Variants in PRLR observed in about 807,000 individuals in gnomAD.
PRLR encodes hPRL receptor.
A neutral mutation model predicts 40.2 loss-of-function variants in PRLR; 13 were observed. That is an observed-to-expected ratio of 0.32 (90% CI 0.21 to 0.51). The LOEUF (loss-of-function observed/expected upper bound fraction) is 0.51. PRLR is among the 20% of genes least tolerant of loss of function. The pLI is 0.97. For synonymous variants in PRLR, 269 were observed against 278.7 expected (o/e 0.97, Z 0.35); for missense variants, 656 against 747.3 (o/e 0.88, Z 1.42).
At chr5:35,101,425 T>A (rs1022593093) in intron 2 of PRLR, among the ~76,000 whole-genome samples, 2 of 152,184 alleles carry the variant, frequency 1.3e-5, no homozygotes, top group African/African-American at 2.4e-5. Flanking sequence ...CAAGGGCAGA[T>A]GGATGATGAA....
intron 1 of PRLR, among the ~76,000 whole-genome samples, chr5:35,164,270 C>A (rs1390655548): frequency 6.6e-6 from 1 of 152,068 alleles, no homozygotes; most frequent in Non-Finnish European, 1.5e-5. Context: ...TAGTGGAGGA[C>A]ACAGGCAAGA....
intron 1 of PRLR, among the ~76,000 whole-genome samples, chr5:35,186,302 T>C (rs1291769353): frequency 2.6e-5 from 4 of 152,176 alleles, no homozygotes; most frequent in Non-Finnish European, 5.9e-5. Flanking sequence ...TAAAGTTACA[T>C]TTGTAGCTTA....
intron 1 of PRLR, among the ~76,000 whole-genome samples, chr5:35,160,735 C>T (rs1774650945): frequency 6.6e-6 from 1 of 152,172 alleles, no homozygotes; most frequent in East Asian, 1.9e-4. Flanking sequence ...TCACCCGGAC[C>T]TGCCAAATCA....
intron 2 of PRLR, among the ~76,000 whole-genome samples, chr5:35,112,531 G>A (rs1772725412): frequency 6.6e-6 from 1 of 152,102 alleles, no homozygotes; most frequent in Non-Finnish European, 1.5e-5. Flanking sequence ...GGAGGATGTG[G>A]AAATTCAAAG....
At chr5:35,208,082 A>G (rs936457761) in intron 1 of PRLR, among the ~76,000 whole-genome samples, 17 of 151,946 alleles carry the variant, frequency 1.1e-4, no homozygotes, top group African/African-American at 2.4e-4. Context: ...GCCCAACATC[A>G]TTGTCTTTCT....
At position 35,084,156 on chromosome 5, in the gene PRLR, C is replaced by A. The variant is rs898760840; in HGVS notation, c.373+314G>T. Among the ~76,000 whole-genome samples, 4 of 152,064 alleles carry A rather than the reference C, an allele frequency of 2.6e-5. No homozygotes were observed. The South Asian group carries it at 8.3e-4, about 32-fold the overall frequency. The stretch of plus-strand genomic sequence containing the variant: ...AAATCCCAGCTTGCCAAGGAAGAAG[C>A]GGACATCAATTGCAAGGGCAGGGCA... On this transcript the variant is annotated intron_variant, in intron 5 of 9. Transcript: ENST00000618457.
At chr5:35,211,976 C>G (rs1776179128) in intron 1 of PRLR, among the ~76,000 whole-genome samples, 1 of 152,096 alleles carries the variant, frequency 6.6e-6, no homozygotes, top group South Asian at 2.1e-4. Flanking sequence ...TTTTGTGTGA[C>G]AAGAGCAGAG....
At chr5:35,126,113 T>C (rs1460481221) in intron 1 of PRLR, among the ~76,000 whole-genome samples, 1 of 152,234 alleles carries the variant, frequency 6.6e-6, no homozygotes, top group Non-Finnish European at 1.5e-5. Flanking sequence ...TTCCCAAGGC[T>C]AATTTAAAAG....
At chr5:35,071,958 C>T (rs1010733578) in intron 6 of PRLR, among the ~76,000 whole-genome samples, 13 of 150,860 alleles carry the variant, frequency 8.6e-5, no homozygotes, top group African/African-American at 2.5e-4. Flanking sequence ...TGCAATGGCG[C>T]GATTTCAGCT....
intron 5 of PRLR, among the ~76,000 whole-genome samples, chr5:35,075,315 T>C (rs1414846424): frequency 6.6e-6 from 1 of 152,224 alleles, no homozygotes; most frequent in East Asian, 1.9e-4. Context: ...AGATGGTACC[T>C]GGAAAATTGG....
Position 35,063,162 on chromosome 5 carries a change from A to G in PRLR, c.*1927T>C, listed in dbSNP as rs970388291. ...GATTTAGGGGACTGAATGAGCTTGGACAACTTTCCCACACGCTTCCCTTAC... is the reference window on the plus strand; with the variant it reads ...GATTTAGGGGACTGAATGAGCTTGGGCAACTTTCCCACACGCTTCCCTTAC... On this transcript the variant is annotated 3_prime_UTR_variant, in exon 10 of 10. Coordinates refer to ENST00000618457, the MANE Select transcript of PRLR (RefSeq NM_000949.7). 1.2e-4 allele frequency: 19 copies of G among 152,208 alleles called. No homozygotes were observed. Among genetic ancestry groups the G allele is most frequent in the Non-Finnish European group, 1.5e-5 (1 of 68,044 alleles). The allele number at this position is 152,208 out of a possible 1,614,324, so 9.4% of individuals were successfully genotyped here. A position where few individuals can be genotyped will look rare whatever the true frequency, so the allele number is the denominator to read the frequency against.
chr5:35,068,161 G>A, intron 9 of PRLR, 55 bp downstream of exon 9: 1 of 1,464,314 alleles, frequency 6.8e-7, no homozygotes, highest in Non-Finnish European at 9.6e-7. Context: ...AGTGTGTAGA[G>A]TTAATTACTA....
chr5:35,050,853 A>C (rs1030192487), downstream of PRLR, among the ~76,000 whole-genome samples: 1 of 152,226 alleles, frequency 6.6e-6, no homozygotes, highest in Non-Finnish European at 1.5e-5. Context: ...ATTTCAGATA[A>C]ATTTATACAA....
intron 2 of PRLR, among the ~76,000 whole-genome samples, chr5:35,113,704 G>T (rs1342831581): frequency 6.6e-6 from 1 of 152,236 alleles, no homozygotes; most frequent in South Asian, 2.1e-4. Flanking sequence ...TAATAAAACA[G>T]TTCAATGTAA....
chr5:35,165,658 T>C (rs1774802743), intron 1 of PRLR, among the ~76,000 whole-genome samples: 2 of 152,220 alleles, frequency 1.3e-5, no homozygotes, highest in South Asian at 2.1e-4. Flanking sequence ...TTTACAGTAG[T>C]ACGATCTTAC....
chr5:35,208,554 G>A (rs1221909995), intron 1 of PRLR, among the ~76,000 whole-genome samples: 1 of 152,102 alleles, frequency 6.6e-6, no homozygotes, highest in Admixed American at 6.5e-5. Flanking sequence ...CAATAAGGAT[G>A]TGTTGAATCA....
chr5:35,052,353 A>G (rs939572800), downstream of PRLR, among the ~76,000 whole-genome samples: 1 of 152,246 alleles, frequency 6.6e-6, no homozygotes, highest in East Asian at 1.9e-4. Flanking sequence ...CCATGTGAAC[A>G]TATCAATAGA....
At chr5:35,137,187 C>T (rs946424953) in intron 1 of PRLR, among the ~76,000 whole-genome samples, 1 of 152,178 alleles carries the variant, frequency 6.6e-6, no homozygotes, top group Admixed American at 6.5e-5. Flanking sequence ...GATCCTCATT[C>T]TACTCACAAA....
chr5:35,104,808 A>C (rs1429120509), intron 2 of PRLR, among the ~76,000 whole-genome samples: 1 of 152,196 alleles, frequency 6.6e-6, no homozygotes. Context: ...GCATAGTGGA[A>C]AAAAAGGCAG....
Sources: gnomAD v4.1 joint callset for allele counts (sites outside exome capture counted in the v4.1 genomes callset) on GRCh38, gnomAD v4.1.1 for gene constraint, MANE v1.5 for transcripts, NCBI Gene and HGNC (gene_info 2026-07-23, HGNC 2026-07-21) for gene names.